TMC1: variants seen among roughly 807,000 people sequenced by gnomAD.
The protein encoded by TMC1 is transmembrane channel-like protein 1.
TMC1 carries 84 observed loss-of-function variants against 105.8 expected under a neutral mutation model. That is an observed-to-expected ratio of 0.79 (90% CI 0.67 to 0.95). The LOEUF is 0.95. TMC1 is among the 40% of genes least tolerant of loss of function. TMC1 has a pLI of 0.00. For missense variants in TMC1, 817 were observed against 914.1 expected, an observed-to-expected ratio of 0.89 and a Z score of 1.37; for synonymous variants, 315 against 311.5, an observed-to-expected ratio of 1.01 and a Z score of -0.12.
intron 17 of TMC1, among the ~76,000 whole-genome samples, chr9:72,794,573 C>A (rs539244227): frequency 6.6e-6 from 1 of 152,264 alleles, no homozygotes; most frequent in East Asian, 1.9e-4. Flanking sequence ...CAAATAAAGA[C>A]CCTGTGCAAA....
intron 12 of TMC1, among the ~76,000 whole-genome samples, chr9:72,767,391 G>A (rs1172320667): frequency 6.6e-6 from 1 of 152,150 alleles, no homozygotes; most frequent in Non-Finnish European, 1.5e-5. Flanking sequence ...GTAATCATGA[G>A]AAACACCAAA....
At chr9:72,678,011 G>T (rs1316554481) in intron 5 of TMC1, among the ~76,000 whole-genome samples, 1 of 152,106 alleles carries the variant, frequency 6.6e-6, no homozygotes, top group Non-Finnish European at 1.5e-5. Flanking sequence ...CTACGTACAT[G>T]TTCCATTTCA....
At chr9:72,825,717 G>A (rs950988104) in intron 20 of TMC1, among the ~76,000 whole-genome samples, 1 of 152,146 alleles carries the variant, frequency 6.6e-6, no homozygotes, top group African/African-American at 2.4e-5. Flanking sequence ...GGCTGCATTG[G>A]GGGGTATGAA....
intron 13 of TMC1, among the ~76,000 whole-genome samples, chr9:72,787,492 TG>T (rs1373082943): frequency 6.6e-6 from 1 of 152,058 alleles, no homozygotes; most frequent in African/African-American, 2.4e-5. Context: ...CAAAACCTTA[TG>T]GGACCATTTT....
At chr9:72,777,116 A>G (rs1368204353) in intron 13 of TMC1, among the ~76,000 whole-genome samples, 1 of 152,172 alleles carries the variant, frequency 6.6e-6, no homozygotes, top group Non-Finnish European at 1.5e-5. Context: ...TAAATCAACG[A>G]GACTTTATTT....
intron 2 of TMC1, among the ~76,000 whole-genome samples, chr9:72,587,698 T>C (rs762728543): frequency 5.9e-5 from 9 of 152,336 alleles, no homozygotes; most frequent in Admixed American, 2.6e-4. Flanking sequence ...ACATATATTC[T>C]TTCCAATTGC....
intron 8 of TMC1, among the ~76,000 whole-genome samples, chr9:72,725,341 A>G (rs867691982): frequency 0.039 from 3,724 of 95,686 alleles, 156 homozygotes; most frequent in Middle Eastern, 0.14. Context: ...ATATATATAT[A>G]TATATATATA....
chr9:72,836,550 T>A lies in TMC1; in HGVS notation c.*577T>A, dbSNP rs935789630. The A allele has an allele frequency of 6.5e-6, 1 of 154,682 alleles. No individual in the cohort carries two copies. Among genetic ancestry groups the A allele is most frequent in the Admixed American group, 6.3e-5 (1 of 15,770 alleles). 9.6% of individuals were successfully genotyped at this position (154,682 alleles called of 1,614,324 possible). The stretch of plus-strand genomic sequence containing the variant: ...TAAAACCTTTGTATTTGGTGCTGGA[T>A]TCAGTATGAAAAGAAATAGGGTTTT... On this transcript the variant is annotated 3_prime_UTR_variant, in exon 24 of 24. Transcript: ENST00000297784.
chr9:72,826,783 G>A (rs1828962841), intron 20 of TMC1, 86 bp from the exon 21 acceptor site: 1 of 1,437,676 alleles, frequency 7.0e-7, no homozygotes. Flanking sequence ...AGCAGTAATT[G>A]AGAAAGATTT....
At chr9:72,584,639 T>G (rs1190337669) in intron 2 of TMC1, among the ~76,000 whole-genome samples, 2 of 152,062 alleles carry the variant, frequency 1.3e-5, no homozygotes, top group African/African-American at 4.8e-5. Context: ...AGATTATCAT[T>G]AACTTTGCTC....
chr9:72,563,649 A>G (rs746349776), intron 1 of TMC1, among the ~76,000 whole-genome samples: 28 of 152,094 alleles, frequency 1.8e-4, no homozygotes, highest in South Asian at 6.2e-4. Flanking sequence ...CTGTAATCCA[A>G]CCATTTTGGG....
chr9:72,772,376 A>G lies in TMC1; in HGVS notation c.742-37A>G, dbSNP rs551297530. The G allele has an allele frequency of 1.5e-5, 25 of 1,613,424 alleles. No homozygotes were observed. The South Asian group carries it at 2.4e-4, about 16-fold the overall frequency. Reference sequence around the variant, plus strand: ...GATCTTTTCCTTTGAGTTGCTCTTCACGACAACTGCTAAGTGGCTTTGTTG... The same window carrying G: ...GATCTTTTCCTTTGAGTTGCTCTTCGCGACAACTGCTAAGTGGCTTTGTTG... On this transcript the variant is annotated intron_variant, in intron 12 of 23. Coordinates refer to ENST00000297784, the MANE Select transcript of TMC1 (RefSeq NM_138691.3).
chr9:72,704,939 G>A (rs1362422795), intron 8 of TMC1, among the ~76,000 whole-genome samples: 1 of 152,192 alleles, frequency 6.6e-6, no homozygotes, highest in Non-Finnish European at 1.5e-5. Flanking sequence ...GAGGAAGAGT[G>A]TGTGTAGGGA....
chr9:72,830,740 T>A, intron 23 of TMC1, 58 bp downstream of exon 23: 3 of 690,396 alleles, frequency 4.3e-6, no homozygotes, highest in Middle Eastern at 5.0e-4. Context: ...TTTTCTTTCT[T>A]TTTTTTTTTT....
At chr9:72,532,956 A>T (rs976811185) in intron 1 of TMC1, among the ~76,000 whole-genome samples, 4 of 152,184 alleles carry the variant, frequency 2.6e-5, no homozygotes, top group Non-Finnish European at 5.9e-5. Context: ...GGCTACTTGG[A>T]GTAGAGGATC....
At chr9:72,643,001 T>TACA in intron 4 of TMC1, among the ~76,000 whole-genome samples, 1 of 152,334 alleles carries the variant, frequency 6.6e-6, no homozygotes, top group East Asian at 1.9e-4. Context: ...TGTAGCCTTT[T>TACA]GAGACAGGCT....
chr9:72,540,967 C>A (rs1476917755), intron 1 of TMC1, among the ~76,000 whole-genome samples: 4 of 152,230 alleles, frequency 2.6e-5, no homozygotes, highest in African/African-American at 9.6e-5. Context: ...TAAATCCAAT[C>A]ATCAATACTA....
intron 8 of TMC1, among the ~76,000 whole-genome samples, chr9:72,731,145 G>T (rs1827206725): frequency 6.6e-6 from 1 of 152,206 alleles, no homozygotes; most frequent in South Asian, 2.1e-4. Flanking sequence ...ACAGTCATCT[G>T]GTCTTCTCAC....
chr9:72,552,914 T>G (rs1220992930), intron 1 of TMC1, among the ~76,000 whole-genome samples: 2 of 152,216 alleles, frequency 1.3e-5, no homozygotes, highest in Non-Finnish European at 2.9e-5. Context: ...ATATTAAATA[T>G]ACATATATAC....
Sources: allele counts gnomAD v4.1 joint callset (sites outside exome capture counted in the v4.1 genomes callset), GRCh38; gene constraint gnomAD v4.1.1; transcripts MANE v1.5; gene names NCBI Gene and HGNC (gene_info 2026-07-23, HGNC 2026-07-21).